Variants in GALNTL6 observed in about 807,000 individuals in gnomAD.
GALNTL6 encodes the protein polypeptide N-acetylgalactosaminyltransferase like 6, also known as polypeptide N-acetylgalactosaminyltransferase-like 6.
GALNTL6 carries 46 observed loss-of-function variants against 73.7 expected under a neutral mutation model. The ratio of observed to expected loss-of-function variants is 0.62; its 90% CI spans 0.49 to 0.80. The LOEUF is 0.80. Ranked by LOEUF, GALNTL6 falls within the 30% of genes least tolerant of loss-of-function variation. The pLI, the probability that GALNTL6 is intolerant of heterozygous loss-of-function variation, is 0.00. For synonymous variants in GALNTL6, 259 were observed against 263.7 expected (o/e 0.98, Z 0.17); for missense variants, 604 against 755.0 (o/e 0.80, Z 2.34).
At chr4:172,691,543 A>T (rs1429312014) in intron 5 of GALNTL6, among the ~76,000 whole-genome samples, 3 of 152,204 alleles carry the variant, frequency 2.0e-5, no homozygotes, top group Non-Finnish European at 4.4e-5. Flanking sequence ...TCTTCTAGTG[A>T]AAACACTGCT....
intron 2 of GALNTL6, among the ~76,000 whole-genome samples, chr4:172,023,758 T>C (rs527725665): frequency 3.3e-4 from 50 of 152,024 alleles, no homozygotes; most frequent in Non-Finnish European, 6.9e-4. Flanking sequence ...TCATTCTTTA[T>C]ATTCGAGTAA....
chr4:172,630,485 C>G (rs2111093498), intron 5 of GALNTL6, among the ~76,000 whole-genome samples: 1 of 152,160 alleles, frequency 6.6e-6, no homozygotes, highest in East Asian at 1.9e-4. Flanking sequence ...GCACCTGCAT[C>G]TCTACCAATC....
At chr4:172,107,875 A>T (rs1046433230) in intron 2 of GALNTL6, among the ~76,000 whole-genome samples, 4 of 152,216 alleles carry the variant, frequency 2.6e-5, no homozygotes, top group Admixed American at 6.5e-5. Context: ...TTGGTTCATT[A>T]ATCATTTCTA....
intron 2 of GALNTL6, chr4:172,052,606 G>C: frequency 1.1e-6 from 1 of 938,266 alleles, no homozygotes; most frequent in Non-Finnish European, 1.6e-6. Flanking sequence ...GACGCTTGTT[G>C]TTGAATCAGG....
chr4:172,106,404 T>A (rs976171903), intron 2 of GALNTL6, among the ~76,000 whole-genome samples: 5 of 152,176 alleles, frequency 3.3e-5, no homozygotes, highest in Non-Finnish European at 7.4e-5. Flanking sequence ...ATAGGTATTA[T>A]GTATTTCTGA....
intron 10 of GALNTL6, among the ~76,000 whole-genome samples, chr4:172,957,575 A>ATG (rs536955497): frequency 3.9e-4 from 59 of 152,318 alleles, no homozygotes; most frequent in African/African-American, 1.3e-3. Flanking sequence ...ATGCCTTCTG[A>ATG]TGGCCTTTGC....
At chr4:172,896,159 C>A (rs559108420) in intron 8 of GALNTL6, among the ~76,000 whole-genome samples, 152 of 152,264 alleles carry the variant, frequency 1.0e-3, no homozygotes, top group Middle Eastern at 6.8e-3. Flanking sequence ...GTCATATATC[C>A]CTTCATCTTC....
chr4:172,977,266 G>A (rs1342804228), intron 10 of GALNTL6, among the ~76,000 whole-genome samples: 1 of 152,188 alleles, frequency 6.6e-6, no homozygotes, highest in Non-Finnish European at 1.5e-5. Flanking sequence ...TCCATCCTAT[G>A]GACAGCCCTT....
At chr4:172,434,953 C>T (rs163185) in intron 5 of GALNTL6, among the ~76,000 whole-genome samples, 132,252 of 152,094 alleles carry the variant, frequency 0.87, 57,561 homozygotes, top group South Asian at 0.89. Flanking sequence ...TTCATTATAG[C>T]AGAGCTCTAT....
chr4:171,979,815 A>G (rs1005240827), intron 2 of GALNTL6, among the ~76,000 whole-genome samples: 3 of 41,492 alleles, frequency 7.2e-5, no homozygotes, highest in African/African-American at 1.2e-4. Context: ...CTATATTTCT[A>G]ATGCCAATAT....
intron 10 of GALNTL6, among the ~76,000 whole-genome samples, chr4:172,960,661 C>T (rs1050970297): frequency 6.6e-6 from 1 of 152,124 alleles, no homozygotes; most frequent in Non-Finnish European, 1.5e-5. Flanking sequence ...CACCTCAGAC[C>T]ATTTGCCCAT....
chr4:172,976,348 A>G (rs984379249), intron 10 of GALNTL6, among the ~76,000 whole-genome samples: 8 of 152,240 alleles, frequency 5.3e-5, no homozygotes, highest in African/African-American at 9.6e-5. Flanking sequence ...AGATTTTTAA[A>G]TTATAAAATT....
chr4:171,959,809 G>A (rs1739168273), intron 2 of GALNTL6, among the ~76,000 whole-genome samples: 1 of 152,218 alleles, frequency 6.6e-6, no homozygotes, highest in South Asian at 2.1e-4. Context: ...AAGTGGAAAT[G>A]AGTGACATGT....
intron 2 of GALNTL6, among the ~76,000 whole-genome samples, chr4:171,840,508 T>C (rs1212184165): frequency 2.0e-5 from 3 of 152,178 alleles, no homozygotes; most frequent in Non-Finnish European, 4.4e-5. Flanking sequence ...AAAAGCTTCC[T>C]CACCCGTGAT....
chr4:172,215,873 A>T (rs1008287506), intron 2 of GALNTL6, among the ~76,000 whole-genome samples: 23 of 152,056 alleles, frequency 1.5e-4, no homozygotes, highest in Non-Finnish European at 7.4e-5. Flanking sequence ...ACTTCCTTTT[A>T]CATTTTTAAT....
At chr4:172,594,778 G>A (rs1406947110) in intron 5 of GALNTL6, among the ~76,000 whole-genome samples, 2 of 152,036 alleles carry the variant, frequency 1.3e-5, no homozygotes, top group African/African-American at 4.8e-5. Flanking sequence ...AGTACTGTCC[G>A]ATTTTTAAAA....
chr4:172,561,591 A>C (rs1250316419), intron 5 of GALNTL6, among the ~76,000 whole-genome samples: 1 of 152,240 alleles, frequency 6.6e-6, no homozygotes, highest in East Asian at 1.9e-4. Context: ...CCACCTCTCC[A>C]GACAGCCTGG....
intron 2 of GALNTL6, among the ~76,000 whole-genome samples, chr4:171,903,419 T>TA (rs1429330188): frequency 4.6e-5 from 7 of 152,030 alleles, no homozygotes; most frequent in Non-Finnish European, 2.9e-5. Context: ...CCCACCCAAA[T>TA]ACTGCGCTTT....
At position 173,030,466 on chromosome 4, in the gene GALNTL6, C is replaced by G. The variant is rs1753410198; in HGVS notation, c.1638+8841C>G. On this transcript the variant is annotated intron_variant, in intron 12 of 12. Coordinates refer to ENST00000506823, the MANE Select transcript of GALNTL6 (RefSeq NM_001034845.3). The stretch of plus-strand genomic sequence containing the variant: ...GAAATAGAAAGGCTCTGTTACAACT[C>G]TCCTGGGGCTCTTCCGTAAAGAGAA... 3.9e-5 allele frequency among the ~76,000 whole-genome samples: 6 copies of G among 152,256 alleles called. No individual in the cohort carries two copies. The South Asian group carries it at 1.2e-3, about 32-fold the overall frequency.
Sources: allele counts gnomAD v4.1 joint callset (sites outside exome capture counted in the v4.1 genomes callset), GRCh38; gene constraint gnomAD v4.1.1; transcripts MANE v1.5; gene names NCBI Gene and HGNC (gene_info 2026-07-23, HGNC 2026-07-21).